ARSK: variants seen among roughly 807,000 people sequenced by gnomAD.
The protein encoded by ARSK is arylsulfatase K.
A neutral mutation model predicts 53.2 loss-of-function variants in ARSK; 37 were observed. That is an observed-to-expected ratio of 0.70 (90% CI 0.54 to 0.92). The LOEUF is 0.92. Among genes scored for constraint, ARSK ranks in the 40% least tolerant of loss-of-function variants. The pLI is 0.00. For missense variants in ARSK, 613 were observed against 643.0 expected (o/e 0.95, Z 0.51); for synonymous variants, 208 against 223.2 (o/e 0.93, Z 0.61).
chr5:95,567,515 G>A (rs1748744549), intron 2 of ARSK, among the ~76,000 whole-genome samples: 1 of 152,182 alleles, frequency 6.6e-6, no homozygotes, highest in South Asian at 2.1e-4. Flanking sequence ...AAGGATGTTG[G>A]GGAAATGAGA....
In ARSK at chr5:95,603,279, A is replaced by C; in HGVS notation, c.1364A>C (p.Lys455Thr). 4 of 1,592,400 alleles carry C rather than the reference A, an allele frequency of 2.5e-6. No homozygotes were observed. The highest frequency in any genetic ancestry group is 3.4e-6 in the Non-Finnish European group (4 of 1,171,108). ...GATGAATTAACAAATGTTGCTGTAA[A>C]ATTTCCAGAAATTACTTATTCTTTG... Reference protein sequence around the residue: ...DPDELTNVAVKFPEITYSLDQ... With the variant: ...DPDELTNVAVTFPEITYSLDQ... The change falls in exon 8 of 8, where the codon AAA (lysine) becomes ACA (threonine). Residue 455 changes from lysine (K) to threonine (T), a missense_variant. Physicochemically the swap from Lys to Thr is moderately conservative, Grantham distance 78. Transcript: ENST00000380009.
rs1442755797 is a variant in ARSK, at chr5:95,601,003, T to C, written c.1253T>C (p.Met418Thr). The C allele has an allele frequency of 1.2e-5, 20 of 1,614,006 alleles. No individual in the cohort carries two copies. Among genetic ancestry groups the C allele is most frequent in the Non-Finnish European group, 1.7e-5 (20 of 1,179,986 alleles). ...TGTAATGTGAATGCCTCCACCTACA[T>C]GCTTCGAACTAACCACTGGAAATAT... ...HGCNVNASTY[M>T]LRTNHWKYIA... Residue 418 changes from methionine (M) to threonine (T), a missense_variant, in exon 7 of 8, where the codon ATG becomes ACG. By Grantham distance (81) the Met-to-Thr change is moderately conservative. Transcript: ENST00000380009.
intron 3 of ARSK, among the ~76,000 whole-genome samples, chr5:95,572,608 C>T (rs1423303414): frequency 1.3e-5 from 2 of 152,156 alleles, no homozygotes; most frequent in East Asian, 3.9e-4. Flanking sequence ...GAAACCCCGT[C>T]TCTACTAAAA....
intron 3 of ARSK, chr5:95,581,005 C>A: frequency 1.0e-6 from 1 of 999,492 alleles, no homozygotes; most frequent in Non-Finnish European, 1.4e-6. Context: ...TGCTTGAAAT[C>A]ATTTGTTATA....
chr5:95,591,173 C>T (rs974731671), intron 5 of ARSK, among the ~76,000 whole-genome samples: 4 of 152,078 alleles, frequency 2.6e-5, no homozygotes, highest in African/African-American at 9.7e-5. Context: ...CAGCTTTGAG[C>T]AAGAGTTCCC....
intron 3 of ARSK, among the ~76,000 whole-genome samples, chr5:95,578,321 ATT>A (rs543934915): frequency 1.3e-4 from 18 of 140,072 alleles, no homozygotes; most frequent in East Asian, 2.1e-4. Context: ...CCAGTGAAGA[ATT>A]TTTTTTTTTT....
rs777952078 is a variant in ARSK at position 95,600,860 on chromosome 5, T to C, written c.1110T>C (p.Ile370=). The change falls in exon 7 of 8, where the codon ATT becomes ATC. Residue 370 remains isoleucine (I), a synonymous_variant. Coordinates refer to ENST00000380009, the MANE Select transcript of ARSK (RefSeq NM_198150.3). ...IYPTMLDIAG[I]PLPQNLSGYS... ...TTTGTTACATAGATATTGCTGGAAT[T>C]CCTCTGCCTCAGAACCTGAGTGGAT... 1.2e-6 allele frequency: 2 copies of C among 1,613,712 alleles called. No individual in the cohort carries two copies. The highest frequency in any genetic ancestry group is 3.3e-5 in the Admixed American group (2 of 60,006).
intron 1 of ARSK, among the ~76,000 whole-genome samples, chr5:95,561,104 C>T (rs975486387): frequency 5.9e-5 from 9 of 152,046 alleles, no homozygotes; most frequent in South Asian, 2.1e-4. Context: ...CCACCATGCC[C>T]GGCCAAAAGA....
At chr5:95,565,857 T>C (rs1266253400) in intron 1 of ARSK, 141 bp from the exon 2 acceptor site, 1 of 759,648 alleles carries the variant, frequency 1.3e-6, no homozygotes, top group Non-Finnish European at 2.0e-6. Context: ...GGAAACACCC[T>C]CTATACTTGT....
chr5:95,568,194 T>G, intron 3 of ARSK, 145 bp downstream of exon 3: 2 of 868,378 alleles, frequency 2.3e-6, no homozygotes, highest in Non-Finnish European at 3.4e-6. Flanking sequence ...AGGCTGAAAT[T>G]TTAGCTTTCT....
chr5:95,574,763 T>C (rs1190862273), intron 3 of ARSK, among the ~76,000 whole-genome samples: 1 of 152,222 alleles, frequency 6.6e-6, no homozygotes, highest in African/African-American at 2.4e-5. Flanking sequence ...AGATGGATAG[T>C]TTTCAAATGT....
At chr5:95,586,040 A>ATG (rs1554054930) in intron 4 of ARSK, among the ~76,000 whole-genome samples, 1 of 152,206 alleles carries the variant, frequency 6.6e-6, no homozygotes, top group Non-Finnish European at 1.5e-5. Flanking sequence ...TGACTAAAAT[A>ATG]TATATGAATT....
chr5:95,587,514 G>C (rs73777198), intron 5 of ARSK, among the ~76,000 whole-genome samples: 27,817 of 151,686 alleles, frequency 0.18, 3,670 homozygotes, highest in African/African-American at 0.37. Context: ...AATGTTTTTT[G>C]TTAAAAAAAA....
At chr5:95,579,457 G>A (rs1432059760) in intron 3 of ARSK, among the ~76,000 whole-genome samples, 8 of 152,126 alleles carry the variant, frequency 5.3e-5, no homozygotes, top group Non-Finnish European at 8.8e-5. Context: ...AAAAACCATC[G>A]GATCTCAGGA....
chr5:95,584,309 G>T (rs918508197), intron 4 of ARSK, among the ~76,000 whole-genome samples: 17 of 152,170 alleles, frequency 1.1e-4, no homozygotes, highest in African/African-American at 4.1e-4. Context: ...TGTATACCCA[G>T]TGATTTATAC....
Position 95,586,555 on chromosome 5 carries a change from T to G in ARSK, c.700-7T>G. 6.2e-7 allele frequency: 1 copy of G among 1,604,806 alleles called. No individual in the cohort carries two copies. Among genetic ancestry groups the G allele is most frequent in the Non-Finnish European group, 8.5e-7 (1 of 1,176,976 alleles). ...TAGCATAACTAAGTTTTTTCTCCCC[T>G]TTTTAGGTGTCTCATGATGCCATCA... On this transcript the variant is annotated splice_polypyrimidine_tract_variant and splice_region_variant and intron_variant, in intron 4 of 7. Coordinates refer to ENST00000380009, the MANE Select transcript of ARSK (RefSeq NM_198150.3).
intron 6 of ARSK, chr5:95,600,639 G>A (rs558481805): frequency 3.1e-5 from 21 of 680,002 alleles, no homozygotes; most frequent in South Asian, 2.7e-4. Flanking sequence ...GAAAACTGAG[G>A]TTGAGATAAG....
chr5:95,583,103 T>C lies in ARSK; in HGVS notation c.604T>C (p.Leu202=). 2 of 1,613,654 alleles carry C rather than the reference T, an allele frequency of 1.2e-6. No individual in the cohort carries two copies. Among genetic ancestry groups the C allele is most frequent in the Non-Finnish European group, 1.7e-6 (2 of 1,179,640 alleles). Residue 202 remains leucine, a synonymous_variant, in exon 4 of 8, where the codon TTG becomes CTG. Transcript: ENST00000380009. ...TTACACTGAACCATTTGTTATTTAC[T>C]TGGGATTAAATTTACCACACCCTTA... is the stretch of plus-strand genomic sequence containing the variant. The part of the protein sequence containing the change: ...INYTEPFVIY[L]GLNLPHPYPS...
chr5:95,561,431 A>G (rs1748634456), intron 1 of ARSK, among the ~76,000 whole-genome samples: 2 of 152,242 alleles, frequency 1.3e-5, no homozygotes, highest in South Asian at 4.1e-4. Context: ...AAATGAAAAT[A>G]TAAGTCTACA....
Sources: gnomAD v4.1 joint callset for allele counts (sites outside exome capture counted in the v4.1 genomes callset) on GRCh38, gnomAD v4.1.1 for gene constraint, MANE v1.5 for transcripts, NCBI Gene and HGNC (gene_info 2026-07-23, HGNC 2026-07-21) for gene names.